LIN7A: variants seen among roughly 807,000 people sequenced by gnomAD.
LIN7A encodes the protein lin-7 cell polarity scaffold A.
A neutral mutation model predicts 29.8 loss-of-function variants in LIN7A; 25 were observed. The observed-to-expected ratio is 0.84, with a 90% CI of 0.61 to 1.17. The LOEUF (loss-of-function observed/expected upper bound fraction) is 1.17, where lower values mean the gene tolerates loss of function less well. LIN7A is among the 50% of genes most tolerant of loss of function. The pLI, the probability that LIN7A is intolerant of heterozygous loss-of-function variation, is 0.00. For missense variants in LIN7A, 239 were observed against 287.0 expected, an observed-to-expected ratio of 0.83 and a Z score of 1.21; for synonymous variants, 118 against 107.5, an observed-to-expected ratio of 1.10 and a Z score of -0.60.
intron 2 of LIN7A, among the ~76,000 whole-genome samples, chr12:80,853,599 A>G (rs925012694): frequency 6.6e-6 from 1 of 151,510 alleles, no homozygotes; most frequent in African/African-American, 2.4e-5. Flanking sequence ...AATTGAAACC[A>G]TACTTAGATA....
intron 1 of LIN7A, among the ~76,000 whole-genome samples, chr12:80,903,950 A>G (rs2120751704): frequency 6.6e-6 from 1 of 152,084 alleles, no homozygotes; most frequent in East Asian, 1.9e-4. Flanking sequence ...AGTGATTTTG[A>G]GCATTTTGGG....
chr12:80,823,100 G>A (rs1871892310), intron 4 of LIN7A, among the ~76,000 whole-genome samples: 2 of 152,168 alleles, frequency 1.3e-5, no homozygotes, highest in African/African-American at 2.4e-5. Flanking sequence ...CTGTTCTGTT[G>A]CTCAATAAAG....
chr12:80,927,217 A>G (rs1362904951), intron 1 of LIN7A, among the ~76,000 whole-genome samples: 1 of 122,024 alleles, frequency 8.2e-6, no homozygotes, highest in Non-Finnish European at 1.6e-5. Flanking sequence ...GCTGGAGTGC[A>G]GTGGCGTGAT....
intron 4 of LIN7A, among the ~76,000 whole-genome samples, chr12:80,835,451 A>T (rs941535654): frequency 6.6e-6 from 1 of 152,172 alleles, no homozygotes. Flanking sequence ...CAAGGATCCA[A>T]TTTCCTCTGA....
At chr12:80,935,293 C>A (rs928404313) in intron 1 of LIN7A, among the ~76,000 whole-genome samples, 3 of 152,064 alleles carry the variant, frequency 2.0e-5, no homozygotes, top group South Asian at 2.1e-4. Flanking sequence ...CAATTTAGAG[C>A]GCATCAAAGG....
chr12:80,842,622 A>G (rs1187378406), intron 4 of LIN7A, among the ~76,000 whole-genome samples: 1 of 132,544 alleles, frequency 7.5e-6, no homozygotes, highest in Non-Finnish European at 1.7e-5. Flanking sequence ...TGGCCTTTCC[A>G]TTACAGATTT....
intron 2 of LIN7A, among the ~76,000 whole-genome samples, chr12:80,884,041 GATA>G (rs925860592): frequency 1.2e-4 from 19 of 152,208 alleles, no homozygotes; most frequent in Non-Finnish European, 1.2e-4. Flanking sequence ...TCTTTATAAA[GATA>G]ATAATGAAAG....
chr12:80,931,770 G>A (rs756549468), intron 1 of LIN7A, among the ~76,000 whole-genome samples: 2 of 152,134 alleles, frequency 1.3e-5, no homozygotes, highest in Non-Finnish European at 2.9e-5. Context: ...GGAGCCCAGA[G>A]AAAATATGAG....
chr12:80,915,794 A>C (rs912255002), intron 1 of LIN7A, among the ~76,000 whole-genome samples: 1 of 152,160 alleles, frequency 6.6e-6, no homozygotes, highest in Non-Finnish European at 1.5e-5. Context: ...ACAAAATACC[A>C]CACGTTCTCA....
chr12:80,886,324 T>C (rs1875324262), intron 2 of LIN7A, among the ~76,000 whole-genome samples: 1 of 152,102 alleles, frequency 6.6e-6, no homozygotes, highest in Non-Finnish European at 1.5e-5. Context: ...GCAATTTTCT[T>C]TACTGGCATT....
At chr12:80,841,334 AAGAGGGAGGGAAGGAAGGAAGGAAGG>A (rs1213856143) in intron 4 of LIN7A, among the ~76,000 whole-genome samples, 2 of 146,144 alleles carry the variant, frequency 1.4e-5, no homozygotes, top group Non-Finnish European at 3.0e-5. Flanking sequence ...AATGAAAAGA[AAGAGGGAGGGAAGGAAGGAAGGAAGG>A]AAGGAAGGAA....
chr12:80,910,251 G>T (rs1248367166), intron 1 of LIN7A, among the ~76,000 whole-genome samples: 4 of 152,002 alleles, frequency 2.6e-5, no homozygotes, highest in Non-Finnish European at 1.5e-5. Context: ...CATTACTAAA[G>T]TCACCTATTA....
At chr12:80,831,785 G>A (rs1055331367) in intron 4 of LIN7A, among the ~76,000 whole-genome samples, 2 of 152,208 alleles carry the variant, frequency 1.3e-5, no homozygotes, top group African/African-American at 4.8e-5. Flanking sequence ...GTAATTAGCT[G>A]TGTCTAAATT....
chr12:80,867,154 G>A (rs935180252), intron 2 of LIN7A, among the ~76,000 whole-genome samples: 7 of 152,100 alleles, frequency 4.6e-5, no homozygotes, highest in Non-Finnish European at 5.9e-5. Context: ...GTCTTGCCAT[G>A]TTGACCAGTC....
chr12:80,879,271 G>T (rs549237889), intron 2 of LIN7A, among the ~76,000 whole-genome samples: 1 of 151,980 alleles, frequency 6.6e-6, no homozygotes, highest in South Asian at 2.1e-4. Flanking sequence ...GGGGTAGGAG[G>T]GGGTGGGATA....
intron 2 of LIN7A, among the ~76,000 whole-genome samples, chr12:80,856,219 C>T (rs1042887327): frequency 5.9e-5 from 9 of 152,154 alleles, no homozygotes; most frequent in Non-Finnish European, 1.3e-4. Flanking sequence ...ATAGAATTTC[C>T]AGAGTACTAT....
chr12:80,874,735 G>A (rs1186222825), intron 2 of LIN7A, among the ~76,000 whole-genome samples: 1 of 152,178 alleles, frequency 6.6e-6, no homozygotes, highest in East Asian at 1.9e-4. Flanking sequence ...TGTAATCCCA[G>A]CACTTTGGGA....
chr12:80,864,347 A>C (rs1874032522), intron 2 of LIN7A, among the ~76,000 whole-genome samples: 1 of 151,862 alleles, frequency 6.6e-6, no homozygotes, highest in African/African-American at 2.4e-5. Context: ...GAAATGAATC[A>C]CTTTATTGCT....
At chr12:80,933,031 A>G (rs1170767434) in intron 1 of LIN7A, among the ~76,000 whole-genome samples, 1 of 152,208 alleles carries the variant, frequency 6.6e-6, no homozygotes, top group Non-Finnish European at 1.5e-5. Flanking sequence ...AGGGTAAATG[A>G]CATGTACTAC....
Sources: gnomAD v4.1 joint callset for allele counts (sites outside exome capture counted in the v4.1 genomes callset) on GRCh38, gnomAD v4.1.1 for gene constraint, MANE v1.5 for transcripts, NCBI Gene and HGNC (gene_info 2026-07-23, HGNC 2026-07-21) for gene names.